PLA2G7: variants seen among roughly 807,000 people sequenced by gnomAD.
PLA2G7 encodes the protein platelet-activating factor acetylhydrolase.
A neutral mutation model predicts 49.6 loss-of-function variants in PLA2G7; 63 were observed. That is an observed-to-expected ratio of 1.27 (90% CI 1.04 to 1.57). The LOEUF is 1.57. PLA2G7 is among the 40% of genes most tolerant of loss of function. The pLI is 0.00. For missense variants in PLA2G7, 596 were observed against 521.2 expected, an observed-to-expected ratio of 1.14 and a Z score of -1.40; for synonymous variants, 193 against 169.9, an observed-to-expected ratio of 1.14 and a Z score of -1.06.
intron 1 of PLA2G7, among the ~76,000 whole-genome samples, chr6:46,734,815 C>A (rs1047128508): frequency 6.6e-6 from 1 of 150,636 alleles, no homozygotes; most frequent in African/African-American, 2.4e-5. Flanking sequence ...AAATGAGACT[C>A]CGCCTCAAAA....
chr6:46,706,066 TCTTCTA>T (rs1274552632), intron 10 of PLA2G7, among the ~76,000 whole-genome samples: 4 of 152,208 alleles, frequency 2.6e-5, no homozygotes, highest in Non-Finnish European at 4.4e-5. Flanking sequence ...CTTTGCAATC[TCTTCTA>T]CTTCAAATGT....
At chr6:46,718,767 T>C (rs1032771100) in intron 2 of PLA2G7, among the ~76,000 whole-genome samples, 1 of 152,208 alleles carries the variant, frequency 6.6e-6, no homozygotes, top group Non-Finnish European at 1.5e-5. Flanking sequence ...TACACACATG[T>C]AATCATTCTT....
chr6:46,717,421 T>C (rs1765247187), intron 2 of PLA2G7, among the ~76,000 whole-genome samples: 1 of 152,224 alleles, frequency 6.6e-6, no homozygotes, highest in African/African-American at 2.4e-5. Flanking sequence ...CTGTTTTTCC[T>C]AAACATGAAC....
chr6:46,714,417 T>C, intron 5 of PLA2G7, 43 bp downstream of exon 5: 1 of 1,205,606 alleles, frequency 8.3e-7, no homozygotes, highest in Non-Finnish European at 1.2e-6. Context: ...AAAATTGTCA[T>C]TTATTCCTGG....
intron 11 of PLA2G7, 105 bp downstream of exon 11, chr6:46,705,048 G>T: frequency 1.1e-6 from 1 of 908,474 alleles, no homozygotes; most frequent in Non-Finnish European, 1.8e-6. Flanking sequence ...TTGTTCCATT[G>T]TAAACCAACT....
intron 8 of PLA2G7, 121 bp downstream of exon 8, chr6:46,710,424 T>C (rs775134421): frequency 1.7e-5 from 12 of 705,522 alleles, no homozygotes; most frequent in Non-Finnish European, 3.1e-5. Context: ...TGTGTGCGCA[T>C]TGGGGAGGGG....
At chr6:46,710,773 T>A (rs1177506672) in intron 7 of PLA2G7, 115 bp from the exon 8 acceptor site, 2 of 760,996 alleles carry the variant, frequency 2.6e-6, no homozygotes, top group African/African-American at 3.4e-5. Context: ...AAACTGGAAA[T>A]CTGATTAGTG....
intron 6 of PLA2G7, 67 bp from the exon 7 acceptor site, chr6:46,711,686 A>C: frequency 6.5e-7 from 1 of 1,531,730 alleles, no homozygotes; most frequent in Non-Finnish European, 9.0e-7. Flanking sequence ...CATGTTTCTC[A>C]GTTCCATCCT....
rs201417171 is a variant in PLA2G7, at chr6:46,714,517, A to G, written c.413T>C (p.Leu138Pro). Residue 138 changes from leucine (L) to proline (P), a missense_variant, in exon 5 of 12, where the codon CTG becomes CCG. Physicochemically the swap from Leu to Pro is moderately conservative, Grantham distance 98 (BLOSUM62 -3). Transcript: ENST00000274793. ...AAGTGGATATTTTTCACCAGGCCTC[A>G]GAGGGGAATTCCAGTTTGCAGGAGT... ...MTTPANWNSP[L>P]RPGEKYPLVV... 6.2e-7 allele frequency: 1 copy of G among 1,612,460 alleles called. No homozygotes were observed. Among genetic ancestry groups the G allele is most frequent in the Non-Finnish European group, 8.5e-7 (1 of 1,178,590 alleles).
rs202100699 is a variant in PLA2G7, at chr6:46,716,478, G to A, written c.282C>T (p.Asp94=). 6.2e-7 allele frequency: 1 copy of A among 1,613,896 alleles called. No individual in the cohort carries two copies. The highest frequency in any genetic ancestry group is 8.5e-7 in the Non-Finnish European group (1 of 1,179,780). The change falls in exon 4 of 12, where the codon GAC becomes GAT. Residue 94 remains aspartate (D), a synonymous_variant. Coordinates refer to ENST00000274793, the MANE Select transcript of PLA2G7 (RefSeq NM_005084.4). ...ATTCTTTATTTGGGATCCAAAGGGT[G>A]TCAAGGCGATCATTATCTTGGGATG... ...YYPSQDNDRL[D]TLWIPNKEYF...
chr6:46,711,168 T>C (rs1463545717), intron 7 of PLA2G7, among the ~76,000 whole-genome samples: 7 of 152,182 alleles, frequency 4.6e-5, no homozygotes. Context: ...CTCTGAAAAG[T>C]AGTCTTTTTA....
intron 1 of PLA2G7, among the ~76,000 whole-genome samples, chr6:46,723,556 G>A (rs1765471607): frequency 6.6e-6 from 1 of 152,212 alleles, no homozygotes; most frequent in African/African-American, 2.4e-5. Flanking sequence ...AATATGAGAT[G>A]TGTGGTAATA....
In PLA2G7 at chr6:46,712,367, A is replaced by G. The variant is rs1765058201; in HGVS notation, c.471-30T>C. ...AAAACAAAAAGAGGGAAGAATTACAACTACCAGTCATGATTACAAGGCTGA... is the reference window on the plus strand; with the variant it reads ...AAAACAAAAAGAGGGAAGAATTACAGCTACCAGTCATGATTACAAGGCTGA... On this transcript the variant is annotated intron_variant, in intron 5 of 11. Transcript: ENST00000274793. The G allele has an allele frequency of 2.0e-6, 3 of 1,519,268 alleles. No individual in the cohort carries two copies. In the East Asian group the frequency reaches 6.8e-5, roughly 34 times the overall value. The allele number at this position is 1,519,268 out of a possible 1,614,324, so 94.1% of individuals were successfully genotyped here.
Position 46,704,478 on chromosome 6 carries a change from T to TCTCTCTCTCTCTCA in PLA2G7, c.*81_*82insTGAGAGAGAGAGAG, listed in dbSNP as rs1441279240. 46 of 87,818 alleles carry TCTCTCTCTCTCTCA rather than the reference T, an allele frequency of 5.2e-4. 1 individual carries two copies. The highest frequency in any genetic ancestry group is 6.7e-3 in the Middle Eastern group (2 of 298). The allele number at this position is 87,818 out of a possible 1,614,324, so 5.4% of individuals were successfully genotyped here. ...CTCTCTCTCTCTCTCTCTCTCTCTC[T>TCTCTCTCTCTCTCA]CACACACACACACACACACACACAC... On this transcript the variant is annotated 3_prime_UTR_variant, in exon 12 of 12. Coordinates refer to ENST00000274793, the MANE Select transcript of PLA2G7 (RefSeq NM_005084.4).
intron 10 of PLA2G7, among the ~76,000 whole-genome samples, chr6:46,706,492 G>A (rs192527779): frequency 2.0e-4 from 30 of 152,308 alleles, no homozygotes; most frequent in African/African-American, 7.2e-4. Context: ...GTAGCCAAGG[G>A]AGCAGGAAGA....
chr6:46,716,563 G>A, intron 3 of PLA2G7, 35 bp from the exon 4 acceptor site: 3 of 1,606,504 alleles, frequency 1.9e-6, no homozygotes, highest in Non-Finnish European at 2.6e-6. Context: ...TTTTAGAGAA[G>A]TTGTGTCTCA....
intron 2 of PLA2G7, among the ~76,000 whole-genome samples, chr6:46,717,673 C>T (rs1157320323): frequency 6.6e-6 from 1 of 151,708 alleles, no homozygotes; most frequent in Non-Finnish European, 1.5e-5. Context: ...ACCAACCACC[C>T]TACATTCAAC....
chr6:46,726,338 A>G (rs1360693681), intron 1 of PLA2G7, among the ~76,000 whole-genome samples: 2 of 152,230 alleles, frequency 1.3e-5, no homozygotes, highest in Admixed American at 6.5e-5. Flanking sequence ...TTAACATGTA[A>G]TAATCACAAT....
intron 5 of PLA2G7, 41 bp downstream of exon 5, chr6:46,714,419 T>A: frequency 2.5e-6 from 3 of 1,220,460 alleles, no homozygotes; most frequent in Non-Finnish European, 3.7e-6. Context: ...AATTGTCATT[T>A]ATTCCTGGAA....
Sources: gnomAD v4.1 joint callset for allele counts (sites outside exome capture counted in the v4.1 genomes callset) on GRCh38, gnomAD v4.1.1 for gene constraint, MANE v1.5 for transcripts, NCBI Gene and HGNC (gene_info 2026-07-23, HGNC 2026-07-21) for gene names.